ZDHHC14: variants seen among roughly 807,000 people sequenced by gnomAD.
ZDHHC14 encodes the protein zDHHC palmitoyltransferase 14.
A neutral mutation model predicts 47.7 loss-of-function variants in ZDHHC14; 16 were observed. The ratio of observed to expected loss-of-function variants is 0.34; its 90% CI spans 0.23 to 0.51. The LOEUF (loss-of-function observed/expected upper bound fraction) is 0.51, where lower values mean the gene tolerates loss of function less well. Among genes scored for constraint, ZDHHC14 ranks in the 20% least tolerant of loss-of-function variants. ZDHHC14 has a pLI of 0.97. For missense variants in ZDHHC14, 515 were observed against 662.5 expected (o/e 0.78, Z 2.44); for synonymous variants, 293 against 278.9 (o/e 1.05, Z -0.50).
chr6:157,638,888 G>A (rs1311714572), intron 5 of ZDHHC14, among the ~76,000 whole-genome samples: 1 of 152,232 alleles, frequency 6.6e-6, no homozygotes, highest in African/African-American at 2.4e-5. Context: ...TTCTAGTGGG[G>A]GACATGGAGG....
At chr6:157,444,335 G>T (rs1241533744) in intron 1 of ZDHHC14, among the ~76,000 whole-genome samples, 3 of 152,186 alleles carry the variant, frequency 2.0e-5, no homozygotes, top group Non-Finnish European at 4.4e-5. Context: ...TACACATTGA[G>T]GCAGGGAGCT....
chr6:157,417,114 C>T (rs938850445), intron 1 of ZDHHC14, among the ~76,000 whole-genome samples: 2 of 150,714 alleles, frequency 1.3e-5, no homozygotes, highest in Non-Finnish European at 2.9e-5. Flanking sequence ...AGGCATGAGC[C>T]ACCGCGCCTG....
chr6:157,662,038 T>C (rs80214035), intron 8 of ZDHHC14, among the ~76,000 whole-genome samples: 9,773 of 151,990 alleles, frequency 0.064, 634 homozygotes, highest in African/African-American at 0.16. Flanking sequence ...AATCAGAACT[T>C]TGTGCATGGA....
chr6:157,424,329 A>G (rs186583036), intron 1 of ZDHHC14, among the ~76,000 whole-genome samples: 204 of 152,352 alleles, frequency 1.3e-3, no homozygotes, highest in Admixed American at 2.2e-3. Context: ...TGTTTATTAA[A>G]GAAGAGTGAA....
At chr6:157,531,243 G>A (rs1298914989) in intron 1 of ZDHHC14, among the ~76,000 whole-genome samples, 1 of 152,028 alleles carries the variant, frequency 6.6e-6, no homozygotes, top group Non-Finnish European at 1.5e-5. Flanking sequence ...GTAGCAGTGT[G>A]TGAGGCACTG....
At chr6:157,670,134 A>G (rs551148451) in intron 8 of ZDHHC14, among the ~76,000 whole-genome samples, 49 of 152,296 alleles carry the variant, frequency 3.2e-4, no homozygotes, top group Non-Finnish European at 4.1e-4. Flanking sequence ...CCCCACCGGA[A>G]GGGACCTGCA....
At chr6:157,647,406 T>G in intron 7 of ZDHHC14, 38 bp downstream of exon 7, 1 of 1,544,420 alleles carries the variant, frequency 6.5e-7, no homozygotes, top group Non-Finnish European at 8.9e-7. Flanking sequence ...CAACAGACCT[T>G]GGAAAACCGA....
Position 157,672,970 on chromosome 6 carries a change from C to A in ZDHHC14, c.1315C>A (p.Leu439Met). Reference protein sequence around the residue: ...RKDEHMGHQFLTPDEAPSPPR... With the variant: ...RKDEHMGHQFMTPDEAPSPPR... Reference sequence around the variant, plus strand: ...AGATGAGCACATGGGCCACCAGTTCCTGACGCCCGATGAGGCGCCCTCGCC... The same window carrying A: ...AGATGAGCACATGGGCCACCAGTTCATGACGCCCGATGAGGCGCCCTCGCC... The change falls in exon 9 of 9, where the codon CTG becomes ATG. Residue 439 changes from leucine to methionine, a missense_variant. Transcript: ENST00000359775. 1 of 1,598,150 alleles carries A rather than the reference C, an allele frequency of 6.3e-7. No homozygotes were observed.
intron 1 of ZDHHC14, among the ~76,000 whole-genome samples, chr6:157,510,717 C>T (rs989244731): frequency 2.0e-5 from 3 of 152,214 alleles, no homozygotes; most frequent in African/African-American, 7.2e-5. Context: ...AGAGGAAGCG[C>T]GGATGAGCGA....
At chr6:157,480,386 G>A (rs1562442269) in intron 1 of ZDHHC14, among the ~76,000 whole-genome samples, 1 of 149,892 alleles carries the variant, frequency 6.7e-6, no homozygotes, top group South Asian at 2.1e-4. Flanking sequence ...TCCTGCCTCA[G>A]TCTCCCAAGT....
At chr6:157,651,322 C>T (rs1239946226) in intron 7 of ZDHHC14, among the ~76,000 whole-genome samples, 2 of 152,208 alleles carry the variant, frequency 1.3e-5, no homozygotes, top group African/African-American at 2.4e-5. Context: ...GCAGGGTAGC[C>T]TCTGTCGGCC....
chr6:157,396,670 G>T (rs969634898), intron 1 of ZDHHC14, among the ~76,000 whole-genome samples: 7 of 152,140 alleles, frequency 4.6e-5, no homozygotes, highest in Non-Finnish European at 8.8e-5. Flanking sequence ...CTGAGTTTGT[G>T]TTTGTGTTCT....
At chr6:157,467,810 A>G (rs1299213331) in intron 1 of ZDHHC14, among the ~76,000 whole-genome samples, 1 of 152,074 alleles carries the variant, frequency 6.6e-6, no homozygotes, top group African/African-American at 2.4e-5. Context: ...CCGGCCTCCC[A>G]AAGTGCTGGG....
At chr6:157,393,974 G>T (rs1777472268) in intron 1 of ZDHHC14, among the ~76,000 whole-genome samples, 1 of 152,038 alleles carries the variant, frequency 6.6e-6, no homozygotes, top group South Asian at 2.1e-4. Context: ...CCCTGACCTG[G>T]CATTTCCTCT....
chr6:157,641,431 T>C (rs1309423730), intron 5 of ZDHHC14, among the ~76,000 whole-genome samples: 1 of 152,180 alleles, frequency 6.6e-6, no homozygotes, highest in Non-Finnish European at 1.5e-5. Flanking sequence ...AATATTACAC[T>C]GTTTTAATTT....
At chr6:157,419,112 A>T (rs1440259556) in intron 1 of ZDHHC14, among the ~76,000 whole-genome samples, 4 of 152,150 alleles carry the variant, frequency 2.6e-5, no homozygotes. Context: ...GGACTGTGGG[A>T]TCCCCATGTC....
chr6:157,543,531 G>A (rs921021668), intron 2 of ZDHHC14, among the ~76,000 whole-genome samples: 2 of 152,208 alleles, frequency 1.3e-5, no homozygotes, highest in South Asian at 4.1e-4. Flanking sequence ...TCTCTTCCAG[G>A]ATTCCTCCTA....
intron 3 of ZDHHC14, among the ~76,000 whole-genome samples, chr6:157,625,919 C>A (rs903882934): frequency 1.3e-5 from 2 of 152,140 alleles, no homozygotes; most frequent in African/African-American, 4.8e-5. Flanking sequence ...ATCTCTAAGA[C>A]GGCGCTGGTT....
chr6:157,481,046 A>G (rs144826775), intron 1 of ZDHHC14, among the ~76,000 whole-genome samples: 2,335 of 152,312 alleles, frequency 0.015, 31 homozygotes, highest in Non-Finnish European at 0.023. Flanking sequence ...ACACTGTGCT[A>G]TTCAACCGAA....
Sources: gnomAD v4.1 joint callset for allele counts (sites outside exome capture counted in the v4.1 genomes callset) on GRCh38, gnomAD v4.1.1 for gene constraint, MANE v1.5 for transcripts, NCBI Gene and HGNC (gene_info 2026-07-23, HGNC 2026-07-21) for gene names.